Variants in CRIM1 observed in about 807,000 individuals in gnomAD.
CRIM1 encodes cysteine rich transmembrane BMP regulator 1.
CRIM1 carries 32 observed loss-of-function variants against 116.4 expected under a neutral mutation model. The ratio of observed to expected loss-of-function variants is 0.27; its 90% CI spans 0.21 to 0.37. The LOEUF is 0.37. CRIM1 is among the 10% of genes least tolerant of loss of function. The probability of loss-of-function intolerance (pLI) is 1.00; values close to 1 mark genes in which losing one functional copy is unlikely to be tolerated. For missense variants in CRIM1, 1,331 were observed against 1,354.8 expected (o/e 0.98, Z 0.28); for synonymous variants, 590 against 509.2 (o/e 1.16, Z -2.13).
rs1319862049 is a variant in CRIM1 at position 36,551,123 on chromosome 2, T to C, written c.*2422T>C. The C allele has an allele frequency of 3.3e-5, 5 of 152,660 alleles. No homozygotes were observed. Among genetic ancestry groups the C allele is most frequent in the Non-Finnish European group, 5.9e-5 (4 of 68,038 alleles). The allele number at this position is 152,660 out of a possible 1,614,324, so 9.5% of individuals were successfully genotyped here. A position where few individuals can be genotyped will look rare whatever the true frequency, so the allele number is the denominator to read the frequency against. ...GATTCTTGGCAGGAAATAAACATTT[T>C]GAGTTGAAATCACACAGTGTAACTT... On this transcript the variant is annotated 3_prime_UTR_variant, in exon 17 of 17. Transcript: ENST00000280527.
chr2:36,512,234 T>C (rs761261195), intron 9 of CRIM1, 39 bp from the exon 10 acceptor site: 117 of 1,602,376 alleles, frequency 7.3e-5, no homozygotes, highest in Middle Eastern at 3.3e-4. Flanking sequence ...TTTGAGACTT[T>C]GTGATTTTCT....
intron 4 of CRIM1, 116 bp from the exon 5 acceptor site, chr2:36,464,418 G>T: frequency 1.0e-6 from 1 of 994,486 alleles, no homozygotes; most frequent in Non-Finnish European, 1.5e-6. Context: ...GATAAAGGAG[G>T]CAGTGTCGTA....
chr2:36,477,088 A>G lies in CRIM1; in HGVS notation c.1174+17A>G. ...TGTGTGAAGGTAAGAAAAGGTGCTA[A>G]TTACAGATTAACAGGAGCATACATG... On this transcript the variant is annotated intron_variant, in intron 6 of 16. Coordinates refer to ENST00000280527, the MANE Select transcript of CRIM1 (RefSeq NM_016441.3). 1 of 1,587,956 alleles carries G rather than the reference A, an allele frequency of 6.3e-7. No homozygotes were observed. The highest frequency in any genetic ancestry group is 1.1e-5 in the South Asian group (1 of 87,772).
At chr2:36,373,420 C>G (rs1372180219) in intron 1 of CRIM1, among the ~76,000 whole-genome samples, 1 of 152,180 alleles carries the variant, frequency 6.6e-6, no homozygotes, top group Non-Finnish European at 1.5e-5. Flanking sequence ...GTGATACAGA[C>G]AGCTGGCTTA....
intron 14 of CRIM1, among the ~76,000 whole-genome samples, chr2:36,542,768 C>T (rs1667035208): frequency 6.6e-6 from 1 of 152,128 alleles, no homozygotes; most frequent in Non-Finnish European, 1.5e-5. Context: ...GGCTTTTCTG[C>T]CCATATTCAC....
intron 5 of CRIM1, among the ~76,000 whole-genome samples, chr2:36,468,246 CT>C (rs1445908078): frequency 1.3e-5 from 2 of 152,134 alleles, no homozygotes; most frequent in Admixed American, 6.5e-5. Context: ...ATGTTTTTTT[CT>C]TTTTAAAATC....
At chr2:36,537,687 A>T in intron 14 of CRIM1, 141 bp downstream of exon 14, 3 of 914,670 alleles carry the variant, frequency 3.3e-6, no homozygotes, top group Non-Finnish European at 4.8e-6. Context: ...CCTCCACCCA[A>T]AGACCCTATG....
At chr2:36,483,900 T>C (rs1254611088) in intron 7 of CRIM1, among the ~76,000 whole-genome samples, 2 of 152,178 alleles carry the variant, frequency 1.3e-5, no homozygotes, top group Non-Finnish European at 2.9e-5. Context: ...CCTGATCTAC[T>C]AGTTGAAGGA....
chr2:36,392,332 T>G (rs1272791649), intron 1 of CRIM1, among the ~76,000 whole-genome samples: 2 of 152,234 alleles, frequency 1.3e-5, no homozygotes, highest in African/African-American at 4.8e-5. Context: ...AAAATACATT[T>G]GCAGAGGTAC....
chr2:36,363,843 C>G (rs74939519), intron 1 of CRIM1, among the ~76,000 whole-genome samples: 17 of 152,102 alleles, frequency 1.1e-4, no homozygotes, highest in Admixed American at 9.2e-4. Flanking sequence ...AGAAACAGCT[C>G]GACGCCATGG....
At chr2:36,506,344 G>A (rs920354810) in intron 8 of CRIM1, among the ~76,000 whole-genome samples, 6 of 151,936 alleles carry the variant, frequency 3.9e-5, no homozygotes, top group African/African-American at 9.7e-5. Flanking sequence ...GGCCCCAACC[G>A]AGAACTGGTT....
rs566956086 is a variant in CRIM1, at chr2:36,368,351, A to G, written c.331+11728A>G. The stretch of plus-strand genomic sequence containing the variant: ...CTCTTTGCTTGTATGTGAGACAGCA[A>G]ATATTCACTAAATATGTTTCAAGTA... On this transcript the variant is annotated intron_variant, in intron 1 of 16. Coordinates refer to ENST00000280527, the MANE Select transcript of CRIM1 (RefSeq NM_016441.3). 2.0e-5 allele frequency among the ~76,000 whole-genome samples: 3 copies of G among 152,356 alleles called. No homozygotes were observed. The South Asian group carries it at 6.2e-4, about 32-fold the overall frequency.
At chr2:36,400,887 T>A (rs1364437208) in intron 2 of CRIM1, among the ~76,000 whole-genome samples, 2 of 152,112 alleles carry the variant, frequency 1.3e-5, no homozygotes, top group Non-Finnish European at 2.9e-5. Context: ...TGCTCTCGAA[T>A]CTCTTACAGG....
intron 1 of CRIM1, among the ~76,000 whole-genome samples, chr2:36,357,044 C>T (rs1431560607): frequency 6.6e-6 from 1 of 152,192 alleles, no homozygotes; most frequent in Non-Finnish European, 1.5e-5. Flanking sequence ...AGTGTGGCAC[C>T]GTGAGCCGCA....
chr2:36,358,516 G>A (rs888815016), intron 1 of CRIM1, among the ~76,000 whole-genome samples: 11 of 152,210 alleles, frequency 7.2e-5, no homozygotes, highest in African/African-American at 2.7e-4. Context: ...GTAATCGAGT[G>A]TTGTGGCAGC....
intron 7 of CRIM1, among the ~76,000 whole-genome samples, chr2:36,480,379 G>A (rs1679315373): frequency 6.6e-6 from 1 of 152,170 alleles, no homozygotes; most frequent in South Asian, 2.1e-4. Context: ...GTGTCCATGT[G>A]TGTTAGTGCA....
chr2:36,365,444 G>A (rs186879505), intron 1 of CRIM1, among the ~76,000 whole-genome samples: 27 of 152,306 alleles, frequency 1.8e-4, no homozygotes, highest in East Asian at 5.8e-4. Flanking sequence ...AGGAAGCAGC[G>A]GCAAGCCTAG....
At position 36,356,170 on chromosome 2, in the gene CRIM1, G is replaced by A. The variant is rs2148256769; in HGVS notation, c.-123G>A. ...GGGAGGCGCGCCCCGGGGGCCCCGA[G>A]AGGGGCGGTGAGGACCGCGGGCTGC... On this transcript the variant is annotated 5_prime_UTR_variant, in exon 1 of 17. Coordinates refer to ENST00000280527, the MANE Select transcript of CRIM1 (RefSeq NM_016441.3). This position sits in a 1 kb window ranked among gnomAD's most constrained non-coding sequence, Gnocchi z 4.3. The A allele has an allele frequency of 3.7e-6, 1 of 270,042 alleles. No homozygotes were observed. Among genetic ancestry groups the A allele is most frequent in the South Asian group, 1.4e-4 (1 of 7,128 alleles). The allele number at this position is 270,042 out of a possible 1,614,324, so 16.7% of individuals were successfully genotyped here. A position where few individuals can be genotyped will look rare whatever the true frequency, so the allele number is the denominator to read the frequency against.
intron 4 of CRIM1, among the ~76,000 whole-genome samples, chr2:36,446,355 A>C (rs952293849): frequency 3.9e-4 from 59 of 152,196 alleles, no homozygotes; most frequent in African/African-American, 1.4e-3. Flanking sequence ...TCATCTATTC[A>C]TCAAACATGA....
Sources: allele counts gnomAD v4.1 joint callset (sites outside exome capture counted in the v4.1 genomes callset), GRCh38; gene constraint gnomAD v4.1.1; non-coding constraint Gnocchi (gnomAD v3.1); transcripts MANE v1.5; gene names NCBI Gene and HGNC (gene_info 2026-07-23, HGNC 2026-07-21).